H2BC18: variants seen among roughly 807,000 people sequenced by gnomAD.
H2BC18 encodes histone H2B type 2-F.
A neutral mutation model predicts 6.3 loss-of-function variants in H2BC18; 8 were observed. The ratio of observed to expected loss-of-function variants is 1.28; its 90% confidence interval spans 0.75 to 2.31. The LOEUF is 2.31. Ranked by LOEUF, H2BC18 falls within the 30% of genes most tolerant of loss-of-function variation. The pLI is 0.00. For missense variants in H2BC18, 106 were observed against 174.5 expected, an observed-to-expected ratio of 0.61 and a Z score of 2.21; for synonymous variants, 104 against 78.1, an observed-to-expected ratio of 1.33 and a Z score of -1.75.
At position 149,800,626 on chromosome 1, in the gene H2BC18, ATTTAT is replaced by A. The variant is rs587742143; in HGVS notation, c.377+11316_377+11320del. Among the ~76,000 whole-genome samples, 707 of 142,792 alleles carry A rather than the reference ATTTAT, an allele frequency of 5.0e-3. 6 individuals are homozygous for A. Among genetic ancestry groups the A allele is most frequent in the African/African-American group, 0.018 (673 of 37,750 alleles). The allele number at this position is 142,792 out of a possible 152,430, so 93.7% of individuals were successfully genotyped here. On this transcript the variant is annotated intron_variant, in intron 1 of 1. Coordinates refer to the H2BC18 transcript ENST00000545683. ...TCATAATAGCACAATCTTTCAGCTTATTTATTTTCTCTTGGCTTTATCTATCCTGT... is the reference window on the plus strand; with the variant it reads ...TCATAATAGCACAATCTTTCAGCTTATTTCTCTTGGCTTTATCTATCCTGT...
At chr1:149,796,242 A>G (rs1294114030) in intron 1 of H2BC18, among the ~76,000 whole-genome samples, 3 of 152,228 alleles carry the variant, frequency 2.0e-5, no homozygotes, top group African/African-American at 7.2e-5. Context: ...AAAAGAATAA[A>G]TTGTGGAGAG....
chr1:149,791,674 G>A, intron 1 of H2BC18: 1 of 1,311,392 alleles, frequency 7.6e-7, no homozygotes, highest in South Asian at 1.6e-5. Flanking sequence ...CTTCAACTGG[G>A]ATACATTTGG....
chr1:149,784,138 C>T, intron 1 of H2BC18: 7 of 1,611,796 alleles, frequency 4.3e-6, no homozygotes, highest in Non-Finnish European at 5.9e-6. Flanking sequence ...GGCACAGCCA[C>T]TCAGACCTCG....
intron 1 of H2BC18, among the ~76,000 whole-genome samples, chr1:149,796,529 G>T (rs1553752807): frequency 6.6e-6 from 1 of 152,078 alleles, no homozygotes; most frequent in Non-Finnish European, 1.5e-5. Flanking sequence ...CATTTATATA[G>T]GTTTATAAGT....
downstream of H2BC18, among the ~76,000 whole-genome samples, chr1:149,809,178 C>CTA (rs201115261): frequency 0.14 from 16,556 of 122,402 alleles, 1,236 homozygotes; most frequent in Non-Finnish European, 0.16. Context: ...TGATACTACA[C>CTA]ACCTTTTGTC....
downstream of H2BC18, among the ~76,000 whole-genome samples, chr1:149,809,461 A>G (rs2091952301): frequency 6.6e-6 from 1 of 151,628 alleles, no homozygotes; most frequent in South Asian, 2.1e-4. Context: ...AAGTTAGAAA[A>G]AAAGTAGAGA....
intron 1 of H2BC18, among the ~76,000 whole-genome samples, chr1:149,789,862 G>C (rs2091657233): frequency 6.6e-6 from 1 of 152,186 alleles, no homozygotes; most frequent in Admixed American, 6.5e-5. Context: ...GTAGGACTCA[G>C]CAAGCTGGCA....
At chr1:149,785,424 T>G (rs2091520702) in intron 1 of H2BC18, among the ~76,000 whole-genome samples, 3 of 137,174 alleles carry the variant, frequency 2.2e-5, no homozygotes, top group Admixed American at 1.4e-4. Context: ...TTTTTTTTTT[T>G]TTTTTTTTTT....
At chr1:149,808,633 A>G (rs1553754124), downstream of H2BC18, among the ~76,000 whole-genome samples, 1 of 152,230 alleles carries the variant, frequency 6.6e-6, no homozygotes, top group Non-Finnish European at 1.5e-5. Context: ...TATATTTGAT[A>G]ATACATACTG....
intron 1 of H2BC18, among the ~76,000 whole-genome samples, chr1:149,789,104 C>G (rs1232612859): frequency 1.3e-5 from 2 of 151,590 alleles, no homozygotes; most frequent in African/African-American, 4.9e-5. Context: ...TGCATATGGC[C>G]TTGTTCTGAC....
At chr1:149,787,512 T>C (rs1169855819) in intron 1 of H2BC18, 1 of 152,430 alleles carries the variant, frequency 6.6e-6, no homozygotes, top group Non-Finnish European at 1.5e-5. Context: ...ATCTGGATGT[T>C]TGCCCTTCTG....
At chr1:149,797,489 T>C (rs1487686518) in intron 1 of H2BC18, among the ~76,000 whole-genome samples, 3 of 152,174 alleles carry the variant, frequency 2.0e-5, no homozygotes, top group Non-Finnish European at 4.4e-5. Context: ...CGGTGTTTGG[T>C]TTTATAAATT....
chr1:149,807,616 G>C (rs1553754014), downstream of H2BC18, among the ~76,000 whole-genome samples: 1 of 151,082 alleles, frequency 6.6e-6, no homozygotes. Context: ...GACCAGCCTG[G>C]CCAACATGGT....
At chr1:149,796,781 A>G (rs2091804987) in intron 1 of H2BC18, among the ~76,000 whole-genome samples, 1 of 152,158 alleles carries the variant, frequency 6.6e-6, no homozygotes, top group Non-Finnish European at 1.5e-5. Context: ...TTCATGGGTT[A>G]TTTCATTTAG....
At chr1:149,797,715 G>A (rs587652813) in intron 1 of H2BC18, among the ~76,000 whole-genome samples, 7 of 152,050 alleles carry the variant, frequency 4.6e-5, no homozygotes, top group African/African-American at 1.4e-4. Context: ...CTCCTGCCTC[G>A]GCCTCCCTAG....
chr1:149,800,163 CA>C (rs1285120868), intron 1 of H2BC18, among the ~76,000 whole-genome samples: 1 of 152,016 alleles, frequency 6.6e-6, no homozygotes, highest in Admixed American at 6.6e-5. Flanking sequence ...TGGTTTATAA[CA>C]AAAAATACAG....
chr1:149,807,839 AAG>A (rs1372522252), downstream of H2BC18, among the ~76,000 whole-genome samples: 5 of 140,280 alleles, frequency 3.6e-5, no homozygotes, highest in East Asian at 5.8e-4. Flanking sequence ...GAGAGAGAGA[AAG>A]AGAGAAAAGA....
At position 149,803,149 on chromosome 1, in the gene H2BC18, C is replaced by T. The variant is rs371235200; in HGVS notation, c.377+8798G>A. 3.2e-4 allele frequency among the ~76,000 whole-genome samples: 48 copies of T among 152,146 alleles called. No individual in the cohort carries two copies. The East Asian group carries it at 8.3e-3, about 26-fold the overall frequency. ...ACACTGAATGACCCTTGCCCAGGAT[C>T]GTATCTGTGCTGTGTCTGAAGTCTT... On this transcript the variant is annotated intron_variant, in intron 1 of 1. Coordinates refer to the H2BC18 transcript ENST00000545683.
intron 1 of H2BC18, chr1:149,790,314 C>G (rs1553751613): frequency 6.3e-7 from 1 of 1,588,946 alleles, no homozygotes. Context: ...TAAGCGCAGC[C>G]CTGAGTTGGA....
Sources: gnomAD v4.1 joint callset for allele counts (sites outside exome capture counted in the v4.1 genomes callset) on GRCh38, gnomAD v4.1.1 for gene constraint, MANE v1.5 for transcripts, NCBI Gene and HGNC (gene_info 2026-07-23, HGNC 2026-07-21) for gene names.